The following ROBO1 variants were observed in gnomAD, a reference collection of about 807,000 sequenced individuals.
ROBO1 encodes the protein roundabout guidance receptor 1, also known as roundabout homolog 1.
Under a neutral mutation model 195.9 loss-of-function variants are expected in ROBO1, and 149 were observed. The ratio of observed to expected loss-of-function variants is 0.76; its 90% CI spans 0.67 to 0.87. The LOEUF (loss-of-function observed/expected upper bound fraction) is 0.87, where lower values mean the gene tolerates loss of function less well. Ranked by LOEUF, ROBO1 falls within the 40% of genes least tolerant of loss-of-function variation. ROBO1 has a pLI of 0.00. For synonymous variants in ROBO1, 816 were observed against 733.2 expected (o/e 1.11, Z -1.82); for missense variants, 1,933 against 2,068.3 (o/e 0.93, Z 1.27).
chr3:79,160,827 C>T (rs959983236), intron 2 of ROBO1, among the ~76,000 whole-genome samples: 1 of 151,996 alleles, frequency 6.6e-6, no homozygotes, highest in African/African-American at 2.4e-5. Context: ...AATTTCTAAA[C>T]AGCTTCTAGT....
intron 4 of ROBO1, among the ~76,000 whole-genome samples, chr3:78,806,332 C>G (rs1237634564): frequency 6.6e-6 from 1 of 152,060 alleles, no homozygotes; most frequent in East Asian, 1.9e-4. Flanking sequence ...AACGCAGCAC[C>G]TGATTCAGGT....
chr3:79,623,160 C>T (rs1463562954), intron 1 of ROBO1, among the ~76,000 whole-genome samples: 3 of 152,000 alleles, frequency 2.0e-5, no homozygotes, highest in African/African-American at 7.3e-5. Context: ...ACAACAACAA[C>T]AACAAAACCT....
rs1705081729 is a variant in ROBO1 at position 79,767,880 on chromosome 3, G to A, written c.-179C>T. 6.6e-6 allele frequency: 1 copy of A among 152,212 alleles called. No individual in the cohort carries two copies. The highest frequency in any genetic ancestry group is 1.5e-5 in the Non-Finnish European group (1 of 68,054). The allele number at this position is 152,212 out of a possible 1,614,324, so 9.4% of individuals were successfully genotyped here. On this transcript the variant is annotated 5_prime_UTR_variant, in exon 1 of 31. Transcript: ENST00000464233. ...AGGTGACAGACTTTTAAACCTAAGAGTGGGGAAATAGGGAGAGAGTGAAGT... is the reference window on the plus strand; with the variant it reads ...AGGTGACAGACTTTTAAACCTAAGAATGGGGAAATAGGGAGAGAGTGAAGT...
chr3:79,306,562 G>A (rs770252568), intron 2 of ROBO1, among the ~76,000 whole-genome samples: 6 of 152,138 alleles, frequency 3.9e-5, no homozygotes, highest in African/African-American at 1.4e-4. Flanking sequence ...TGGGGCTCCG[G>A]CTTCTTTACA....
chr3:78,708,387 AT>A (rs950113106), intron 8 of ROBO1, among the ~76,000 whole-genome samples: 44 of 151,556 alleles, frequency 2.9e-4, no homozygotes, highest in Middle Eastern at 3.4e-3. Flanking sequence ...GAGTAAATAG[AT>A]TTTTTTTTCA....
intron 2 of ROBO1, among the ~76,000 whole-genome samples, chr3:79,441,536 A>G (rs1452215462): frequency 6.6e-6 from 1 of 152,096 alleles, no homozygotes; most frequent in African/African-American, 2.4e-5. Flanking sequence ...GCTTGAATAG[A>G]TCTGTTTTAT....
chr3:79,671,017 G>A (rs1276923470), intron 1 of ROBO1, among the ~76,000 whole-genome samples: 1 of 151,720 alleles, frequency 6.6e-6, no homozygotes, highest in East Asian at 1.9e-4. Context: ...TATATCATGG[G>A]TAAATACATT....
chr3:79,558,782 A>G (rs1023325899), intron 2 of ROBO1, among the ~76,000 whole-genome samples: 1 of 152,208 alleles, frequency 6.6e-6, no homozygotes, highest in African/African-American at 2.4e-5. Context: ...TCACAATAGC[A>G]GAGTATGTGC....
At chr3:78,753,129 C>A (rs565564888) in intron 4 of ROBO1, among the ~76,000 whole-genome samples, 1 of 152,172 alleles carries the variant, frequency 6.6e-6, no homozygotes, top group Admixed American at 6.5e-5. Flanking sequence ...GAACACAAGG[C>A]ATTGCAGATA....
At chr3:79,225,194 C>T (rs2082204913) in intron 2 of ROBO1, among the ~76,000 whole-genome samples, 1 of 151,420 alleles carries the variant, frequency 6.6e-6, no homozygotes, top group South Asian at 2.1e-4. Flanking sequence ...AAAAAAAATC[C>T]CCAGCCATAG....
chr3:78,664,077 T>C (rs1036053640), intron 14 of ROBO1, among the ~76,000 whole-genome samples: 1 of 152,220 alleles, frequency 6.6e-6, no homozygotes, highest in African/African-American at 2.4e-5. Context: ...AACATTATAA[T>C]AGAAATGTTC....
chr3:79,759,185 C>A (rs762552400), intron 1 of ROBO1, among the ~76,000 whole-genome samples: 6 of 152,066 alleles, frequency 3.9e-5, no homozygotes, highest in Non-Finnish European at 7.4e-5. Context: ...TCTATGACTG[C>A]GTATAAGTAA....
chr3:78,661,144 C>G lies in ROBO1; in HGVS notation c.2206G>C (p.Val736Leu), dbSNP rs1488124310. ...FEVRTPAKNSVVIPDLRKGVN... is the reference protein window; with the variant it reads ...FEVRTPAKNSLVIPDLRKGVN... ...CCCTTTCTGAGATCAGGGATTACCACACTGTTTTTGGCTGGCGTCCTCACT... is the reference window on the plus strand; with the variant it reads ...CCCTTTCTGAGATCAGGGATTACCAGACTGTTTTTGGCTGGCGTCCTCACT... The change falls in exon 16 of 31, where the codon GTG (valine) becomes CTG (leucine). Residue 736 changes from valine to leucine, a missense_variant. Physicochemically the swap from Val to Leu is conservative, Grantham distance 32. Transcript: ENST00000464233. The G allele has an allele frequency of 6.2e-7, 1 of 1,613,598 alleles. No individual in the cohort carries two copies.
intron 2 of ROBO1, among the ~76,000 whole-genome samples, chr3:79,310,454 C>G (rs192521001): frequency 1.3e-5 from 2 of 152,312 alleles, no homozygotes; most frequent in South Asian, 2.1e-4. Context: ...GAAGTCTATG[C>G]TGCTCAGGGA....
chr3:78,598,968 T>A, intron 30 of ROBO1, 41 bp from the exon 31 acceptor site: 1 of 1,355,116 alleles, frequency 7.4e-7, no homozygotes, highest in Non-Finnish European at 1.0e-6. Flanking sequence ...AAATAAATCT[T>A]AAGAGGATTG....
At chr3:79,212,485 T>G (rs1272789926) in intron 2 of ROBO1, among the ~76,000 whole-genome samples, 1 of 152,152 alleles carries the variant, frequency 6.6e-6, no homozygotes, top group Non-Finnish European at 1.5e-5. Flanking sequence ...CCGACTGTCT[T>G]TTTTAGTGAA....
At chr3:78,920,095 T>A in intron 4 of ROBO1, among the ~76,000 whole-genome samples, 1 of 152,212 alleles carries the variant, frequency 6.6e-6, no homozygotes, top group East Asian at 1.9e-4. Flanking sequence ...CTGCGTATTT[T>A]GCAACATACT....
At chr3:78,852,978 A>C (rs866155487) in intron 4 of ROBO1, among the ~76,000 whole-genome samples, 4 of 152,264 alleles carry the variant, frequency 2.6e-5, no homozygotes, top group African/African-American at 9.6e-5. Flanking sequence ...GGCATTAAAA[A>C]CTGTCTGGGC....
chr3:79,294,975 T>C (rs1482128706), intron 2 of ROBO1, among the ~76,000 whole-genome samples: 1 of 152,164 alleles, frequency 6.6e-6, no homozygotes, highest in Non-Finnish European at 1.5e-5. Flanking sequence ...TGTGGAGAAA[T>C]AGGAACGTTT....
Sources: gnomAD v4.1 joint callset for allele counts (sites outside exome capture counted in the v4.1 genomes callset) on GRCh38, gnomAD v4.1.1 for gene constraint, MANE v1.5 for transcripts, NCBI Gene and HGNC (gene_info 2026-07-23, HGNC 2026-07-21) for gene names.